The following EIF4G3 variants were observed in gnomAD, a reference collection of about 807,000 sequenced individuals.
EIF4G3 encodes eIF-4-gamma 3.
Under a neutral mutation model 186.4 loss-of-function variants are expected in EIF4G3, and 34 were observed. The observed-to-expected ratio is 0.18, with a 90% CI of 0.14 to 0.24. The LOEUF (loss-of-function observed/expected upper bound fraction) is 0.24, where lower values mean the gene tolerates loss of function less well. EIF4G3 is among the 10% of genes least tolerant of loss of function. The pLI, the probability that EIF4G3 is intolerant of heterozygous loss-of-function variation, is 1.00. For synonymous variants in EIF4G3, 673 were observed against 679.5 expected (o/e 0.99, Z 0.15); for missense variants, 1,536 against 1,948.5 (o/e 0.79, Z 3.99).
intron 4 of EIF4G3, among the ~76,000 whole-genome samples, chr1:21,011,279 A>T (rs2086995868): frequency 6.6e-6 from 1 of 151,970 alleles, no homozygotes; most frequent in East Asian, 1.9e-4. Flanking sequence ...TAACTTTTCA[A>T]TTTTTCTTAT....
intron 3 of EIF4G3, among the ~76,000 whole-genome samples, chr1:21,061,019 GTTTATGGTC>G (rs939719526): frequency 2.6e-5 from 4 of 152,072 alleles, no homozygotes; most frequent in Admixed American, 6.6e-5. Flanking sequence ...CATTCCTGGA[GTTTATGGTC>G]TAGCTGAAAT....
intron 3 of EIF4G3, among the ~76,000 whole-genome samples, chr1:21,087,630 C>CA (rs11359766): frequency 3.3e-5 from 5 of 151,020 alleles, no homozygotes; most frequent in East Asian, 2.0e-4. Flanking sequence ...TTGCCTCTAC[C>CA]AAAAAAAATT....
chr1:21,172,440 A>G (rs1374010223), intron 2 of EIF4G3, among the ~76,000 whole-genome samples: 2 of 152,214 alleles, frequency 1.3e-5, no homozygotes, highest in African/African-American at 4.8e-5. Context: ...TCAATCCTAC[A>G]TCTAGCACTG....
chr1:20,840,792 T>A, intron 30 of EIF4G3, 64 bp downstream of exon 30: 1 of 1,496,574 alleles, frequency 6.7e-7, no homozygotes, highest in South Asian at 1.2e-5. Context: ...AGGTAAGTAC[T>A]TTGAAAATTA....
intron 7 of EIF4G3, among the ~76,000 whole-genome samples, chr1:20,996,160 G>A (rs1003067359): frequency 7.2e-5 from 11 of 152,042 alleles, no homozygotes; most frequent in African/African-American, 2.7e-4. Flanking sequence ...CAAACACCCC[G>A]CTAATCATTT....
intron 20 of EIF4G3, among the ~76,000 whole-genome samples, chr1:20,872,749 C>CA (rs2079577658): frequency 7.5e-6 from 1 of 133,134 alleles, no homozygotes; most frequent in Non-Finnish European, 1.6e-5. Context: ...GACAGAGCCT[C>CA]ACTCTGTCGG....
intron 33 of EIF4G3, among the ~76,000 whole-genome samples, chr1:20,823,778 A>G (rs2154546589): frequency 6.6e-6 from 1 of 152,290 alleles, no homozygotes; most frequent in Non-Finnish European, 1.5e-5. Flanking sequence ...ACTCTGAATG[A>G]TAATTCCATT....
At chr1:21,171,782 T>A (rs1220422510) in intron 2 of EIF4G3, among the ~76,000 whole-genome samples, 4 of 152,150 alleles carry the variant, frequency 2.6e-5, no homozygotes, top group Non-Finnish European at 4.4e-5. Context: ...CCTGAAGCAG[T>A]TGCATGGTTA....
intron 3 of EIF4G3, among the ~76,000 whole-genome samples, chr1:21,063,727 G>T (rs1381548508): frequency 8.0e-6 from 1 of 124,608 alleles, no homozygotes; most frequent in African/African-American, 2.9e-5. Flanking sequence ...TGTTGGGGGG[G>T]GGGACGCAGT....
chr1:21,053,231 C>T (rs1324448381), intron 3 of EIF4G3, among the ~76,000 whole-genome samples: 1 of 151,824 alleles, frequency 6.6e-6, no homozygotes, highest in African/African-American at 2.4e-5. Context: ...TGCCCGGCCG[C>T]CCCGTCTGAG....
intron 2 of EIF4G3, among the ~76,000 whole-genome samples, chr1:21,101,822 T>G (rs1485632526): frequency 6.6e-6 from 1 of 152,088 alleles, no homozygotes; most frequent in African/African-American, 2.4e-5. Context: ...ATCAAATAAT[T>G]TGTATTCTGC....
intron 4 of EIF4G3, among the ~76,000 whole-genome samples, chr1:21,022,593 AC>A (rs2091000969): frequency 6.6e-6 from 1 of 152,228 alleles, no homozygotes; most frequent in Non-Finnish European, 1.5e-5. Context: ...CCTCAATAAC[AC>A]CAACCAGTTT....
At chr1:21,002,982 TTTTC>T (rs996312612) in intron 4 of EIF4G3, among the ~76,000 whole-genome samples, 174 bp from the exon 5 acceptor site, 4 of 134,992 alleles carry the variant, frequency 3.0e-5, no homozygotes, top group African/African-American at 7.8e-5. Context: ...GTACAGTTCC[TTTTC>T]TTTCTTTTTT....
chr1:21,166,500 A>C (rs2097857590), intron 2 of EIF4G3, among the ~76,000 whole-genome samples: 1 of 152,122 alleles, frequency 6.6e-6, no homozygotes, highest in Admixed American at 6.6e-5. Flanking sequence ...TGAGAGGGGC[A>C]GATCACTTAA....
In EIF4G3 at chr1:21,136,189, C is replaced by CA. The variant is rs1290505705; in HGVS notation, c.-272+39985dup. ...TGGGCGACAGAGCGAGACTCCGTCT[C>CA]AAAAAAAAAAGAACACACTCCCTTG... On this transcript the variant is annotated intron_variant, in intron 2 of 36. Coordinates refer to ENST00000602326, the MANE Select transcript of EIF4G3 (RefSeq NM_001391906.1). 4.2e-4 allele frequency among the ~76,000 whole-genome samples: 57 copies of CA among 135,226 alleles called. 1 individual carries two copies. The highest frequency in any genetic ancestry group is 1.1e-3 in the African/African-American group (40 of 36,652). The allele number at this position is 135,226 out of a possible 152,430, so 88.7% of individuals were successfully genotyped here. A position where few individuals can be genotyped will look rare whatever the true frequency, so the allele number is the denominator to read the frequency against.
At chr1:21,008,674 A>G (rs1318526295) in intron 4 of EIF4G3, among the ~76,000 whole-genome samples, 4 of 152,170 alleles carry the variant, frequency 2.6e-5, no homozygotes, top group African/African-American at 9.7e-5. Context: ...TTAAATCAAT[A>G]AAGAGATATA....
chr1:20,941,332 T>C (rs780574674), intron 14 of EIF4G3, 159 bp downstream of exon 14: 14 of 1,570,624 alleles, frequency 8.9e-6, no homozygotes, highest in African/African-American at 1.4e-5. Flanking sequence ...TTGCAGGTTG[T>C]ACTAAAACAC....
intron 14 of EIF4G3, among the ~76,000 whole-genome samples, chr1:20,928,472 G>A (rs1198750977): frequency 1.3e-5 from 2 of 151,330 alleles, no homozygotes; most frequent in African/African-American, 2.4e-5. Flanking sequence ...GTGTGATCTC[G>A]GCTCACTGCA....
chr1:21,130,260 T>C (rs1484330280), intron 2 of EIF4G3, among the ~76,000 whole-genome samples: 1 of 137,824 alleles, frequency 7.3e-6, no homozygotes, highest in African/African-American at 2.7e-5. Context: ...AGTCTCGCTC[T>C]GTCGCCCAGG....
Sources: allele counts gnomAD v4.1 joint callset (sites outside exome capture counted in the v4.1 genomes callset), GRCh38; gene constraint gnomAD v4.1.1; transcripts MANE v1.5; gene names NCBI Gene and HGNC (gene_info 2026-07-23, HGNC 2026-07-21).